The following SBF2 variants were observed in gnomAD, a reference collection of about 807,000 sequenced individuals.
The protein encoded by SBF2 is myotubularin-related protein 13.
A neutral mutation model predicts 225.2 loss-of-function variants in SBF2; 112 were observed. The observed-to-expected ratio is 0.50, with a 90% confidence interval of 0.43 to 0.58. The LOEUF (loss-of-function observed/expected upper bound fraction) is 0.58, where lower values mean the gene tolerates loss of function less well. Among genes scored for constraint, SBF2 ranks in the 20% least tolerant of loss-of-function variants. SBF2 has a pLI of 0.00. For missense variants in SBF2, 1,996 were observed against 2,206.2 expected (o/e 0.90, Z 1.91); for synonymous variants, 763 against 773.3 (o/e 0.99, Z 0.22).
intron 2 of SBF2, among the ~76,000 whole-genome samples, chr11:10,093,414 C>CA (rs1772770639): frequency 6.6e-6 from 1 of 151,180 alleles, no homozygotes; most frequent in African/African-American, 2.4e-5. Flanking sequence ...AAATTTCTTC[C>CA]AATCTTGAAA....
chr11:10,007,064 A>G (rs941820593), intron 6 of SBF2, among the ~76,000 whole-genome samples: 2 of 152,170 alleles, frequency 1.3e-5, no homozygotes, highest in African/African-American at 2.4e-5. Context: ...AGGCAAGGTT[A>G]AGGGTACGTG....
intron 14 of SBF2, among the ~76,000 whole-genome samples, chr11:9,967,415 C>T (rs1388183809): frequency 6.6e-6 from 1 of 150,496 alleles, no homozygotes; most frequent in East Asian, 1.9e-4. Context: ...CATGCTACAA[C>T]ATAGACGTAC....
At chr11:10,039,589 C>T (rs1949575341) in intron 3 of SBF2, among the ~76,000 whole-genome samples, 2 of 151,768 alleles carry the variant, frequency 1.3e-5, no homozygotes, top group Middle Eastern at 3.4e-3. Flanking sequence ...ATTTCTGGGC[C>T]CACTTAAAAT....
intron 28 of SBF2, among the ~76,000 whole-genome samples, chr11:9,826,346 G>A (rs1234736735): frequency 2.0e-5 from 3 of 152,194 alleles, no homozygotes; most frequent in Non-Finnish European, 4.4e-5. Context: ...TAAGGATGGT[G>A]AGTGGACTAC....
At chr11:10,095,626 G>C (rs557540508) in intron 2 of SBF2, among the ~76,000 whole-genome samples, 3 of 152,142 alleles carry the variant, frequency 2.0e-5, no homozygotes, top group Admixed American at 2.0e-4. Context: ...TATATTTGAT[G>C]AGTCATGTTC....
chr11:10,080,485 T>A lies in SBF2; in HGVS notation c.142-37504A>T, dbSNP rs1237412193. ...AGGTCTTATAAAACAATTACACTTA[T>A]GAGAAAGACACATAAATCATATGGC... is the stretch of plus-strand genomic sequence containing the variant. On this transcript the variant is annotated intron_variant, in intron 2 of 39. Coordinates refer to ENST00000256190, the MANE Select transcript of SBF2 (RefSeq NM_030962.4). Among the ~76,000 whole-genome samples, 14 of 151,172 alleles carry A rather than the reference T, an allele frequency of 9.3e-5. No individual in the cohort carries two copies. In the East Asian group the frequency reaches 2.7e-3, roughly 29 times the overall value.
At chr11:10,227,928 C>T (rs554186619) in intron 1 of SBF2, among the ~76,000 whole-genome samples, 12 of 151,344 alleles carry the variant, frequency 7.9e-5, no homozygotes, top group Non-Finnish European at 1.6e-4. Flanking sequence ...GCCATTTTCA[C>T]GATATTGATT....
At chr11:9,824,402 CA>C in intron 28 of SBF2, among the ~76,000 whole-genome samples, 1 of 151,650 alleles carries the variant, frequency 6.6e-6, no homozygotes, top group Non-Finnish European at 1.5e-5. Context: ...ACTAAAAATA[CA>C]AAAATTAGCT....
chr11:10,087,579 A>G (rs1951622037), intron 2 of SBF2, among the ~76,000 whole-genome samples: 1 of 152,176 alleles, frequency 6.6e-6, no homozygotes, highest in African/African-American at 2.4e-5. Context: ...GGTAAATAAT[A>G]CTCATCTTGT....
intron 16 of SBF2, among the ~76,000 whole-genome samples, chr11:9,956,249 T>C (rs1282492661): frequency 6.6e-6 from 1 of 152,196 alleles, no homozygotes; most frequent in Non-Finnish European, 1.5e-5. Flanking sequence ...TCTCTTGATG[T>C]ATGTGGGCAA....
intron 1 of SBF2, among the ~76,000 whole-genome samples, chr11:10,293,090 T>A (rs954383838): frequency 5.3e-5 from 8 of 152,322 alleles, no homozygotes; most frequent in African/African-American, 1.7e-4. Flanking sequence ...TATCTCAAAT[T>A]CCTTGCAAAT....
At chr11:9,932,951 G>A (rs1213672279) in intron 16 of SBF2, among the ~76,000 whole-genome samples, 6 of 25,148 alleles carry the variant, frequency 2.4e-4, no homozygotes, top group African/African-American at 2.9e-4. Context: ...CCAAGCAAAC[G>A]AAAAGCAAAA....
chr11:9,989,744 C>T, intron 12 of SBF2, 149 bp from the exon 13 acceptor site: 1 of 600,690 alleles, frequency 1.7e-6, no homozygotes, highest in South Asian at 2.1e-5. Context: ...GGTTTCACCT[C>T]CATTCTGGGG....
chr11:10,227,660 T>C (rs989101637), intron 1 of SBF2, among the ~76,000 whole-genome samples: 14 of 152,338 alleles, frequency 9.2e-5, no homozygotes, highest in African/African-American at 3.4e-4. Flanking sequence ...CTGAGGGCTC[T>C]GTTCTGTTCC....
At chr11:10,224,305 T>C (rs552217661) in intron 1 of SBF2, among the ~76,000 whole-genome samples, 1 of 152,258 alleles carries the variant, frequency 6.6e-6, no homozygotes, top group Non-Finnish European at 1.5e-5. Flanking sequence ...TTTGAATGCA[T>C]ACATTTCCCT....
At chr11:10,033,255 C>T (rs1166956004) in intron 3 of SBF2, among the ~76,000 whole-genome samples, 1 of 152,122 alleles carries the variant, frequency 6.6e-6, no homozygotes, top group Admixed American at 6.5e-5. Flanking sequence ...AAGCTATCCA[C>T]ATTTTATGAG....
intron 2 of SBF2, among the ~76,000 whole-genome samples, chr11:10,088,184 C>T (rs964615875): frequency 3.3e-5 from 5 of 151,826 alleles, no homozygotes; most frequent in Non-Finnish European, 2.9e-5. Flanking sequence ...CCACCACGGC[C>T]GGCTAATTTT....
At chr11:10,214,885 G>A (rs554034801) in intron 1 of SBF2, among the ~76,000 whole-genome samples, 88 of 152,252 alleles carry the variant, frequency 5.8e-4, no homozygotes, top group African/African-American at 2.0e-3. Context: ...GCAAAAAGGG[G>A]GCTTAAGATA....
At chr11:9,999,320 TGTATGTATGTA>T (rs1281645855) in intron 8 of SBF2, among the ~76,000 whole-genome samples, 1 of 151,288 alleles carries the variant, frequency 6.6e-6, no homozygotes, top group African/African-American at 2.4e-5. Flanking sequence ...TATGTATGTA[TGTATGTATGTA>T]TTTATTTTTG....
Sources: gnomAD v4.1 joint callset for allele counts (sites outside exome capture counted in the v4.1 genomes callset) on GRCh38, gnomAD v4.1.1 for gene constraint, MANE v1.5 for transcripts, NCBI Gene and HGNC (gene_info 2026-07-23, HGNC 2026-07-21) for gene names.